SLC22A5: variants seen among roughly 807,000 people sequenced by gnomAD.
SLC22A5 encodes the protein organic cation/carnitine transporter 2.
A neutral mutation model predicts 56.7 loss-of-function variants in SLC22A5; 44 were observed. The observed-to-expected ratio is 0.78, with a 90% CI of 0.61 to 1.00. The LOEUF is 1.00. Among genes scored for constraint, SLC22A5 ranks in the 50% least tolerant of loss-of-function variants. SLC22A5 has a pLI of 0.00. For missense variants in SLC22A5, 675 were observed against 723.0 expected (o/e 0.93, Z 0.76); for synonymous variants, 278 against 292.1 (o/e 0.95, Z 0.49).
intron 2 of SLC22A5, chr5:132,379,191 A>T (rs1752258487): frequency 6.5e-6 from 1 of 153,890 alleles, no homozygotes; most frequent in African/African-American, 2.4e-5. Context: ...TTTTGGAGAG[A>T]GGTCCGTAGC....
intron 5 of SLC22A5, among the ~76,000 whole-genome samples, chr5:132,388,227 T>C (rs1561573708): frequency 6.6e-6 from 1 of 152,200 alleles, no homozygotes; most frequent in Admixed American, 6.5e-5. Flanking sequence ...ACTGGCATCT[T>C]TGAGGAAATG....
intron 1 of SLC22A5, among the ~76,000 whole-genome samples, chr5:132,371,688 C>A (rs2631361): frequency 0.38 from 57,499 of 151,878 alleles, 11,620 homozygotes; most frequent in East Asian, 0.65. Flanking sequence ...GAGGCCTCTC[C>A]GTGAGCCTAG....
chr5:132,388,029 G>A (rs768490814), intron 5 of SLC22A5, among the ~76,000 whole-genome samples: 21 of 152,240 alleles, frequency 1.4e-4, no homozygotes, highest in Admixed American at 5.9e-4. Context: ...TGTAGACAGC[G>A]GAGGCCAATG....
At chr5:132,370,475 T>A (rs938791811) in intron 1 of SLC22A5, 110 bp downstream of exon 1, 2 of 1,248,438 alleles carry the variant, frequency 1.6e-6, no homozygotes, top group Non-Finnish European at 2.3e-6. Flanking sequence ...TCACTCCCCC[T>A]CCCCCAACGG....
intron 9 of SLC22A5, 142 bp downstream of exon 9, chr5:132,393,953 C>A: frequency 9.6e-7 from 1 of 1,039,884 alleles, no homozygotes; most frequent in Non-Finnish European, 1.5e-6. Context: ...TTGTAAATGG[C>A]AAGGTGCTTA....
intron 1 of SLC22A5, among the ~76,000 whole-genome samples, chr5:132,375,871 C>A (rs765107134): frequency 7.9e-5 from 12 of 152,230 alleles, no homozygotes; most frequent in Non-Finnish European, 1.8e-4. Context: ...AAATCTTAAA[C>A]CCACACATTC....
At chr5:132,392,814 G>C (rs893786686) in intron 8 of SLC22A5, among the ~76,000 whole-genome samples, 199 bp downstream of exon 8, 1 of 152,212 alleles carries the variant, frequency 6.6e-6, no homozygotes, top group African/African-American at 2.4e-5. Context: ...ACAACCTATA[G>C]ATTACCTAGA....
intron 8 of SLC22A5, among the ~76,000 whole-genome samples, chr5:132,393,165 C>A (rs1752766930): frequency 6.6e-6 from 1 of 152,168 alleles, no homozygotes; most frequent in South Asian, 2.1e-4. Context: ...CATCCCTAGC[C>A]AGTACCTCTT....
chr5:132,374,758 CAAAA>C (rs34965096), intron 1 of SLC22A5, among the ~76,000 whole-genome samples: 25 of 138,248 alleles, frequency 1.8e-4, no homozygotes, highest in South Asian at 2.2e-4. Flanking sequence ...GTCAGGGAGC[CAAAA>C]AAAAAAAAAA....
intron 5 of SLC22A5, among the ~76,000 whole-genome samples, chr5:132,387,466 C>G (rs752658988): frequency 3.9e-5 from 6 of 152,118 alleles, no homozygotes; most frequent in Non-Finnish European, 8.8e-5. Context: ...GAGTAATAGG[C>G]CTTTCATAAA....
rs767208303 is a variant in SLC22A5 at position 132,394,201 on chromosome 5, A to T, written c.1603A>T (p.Thr535Ser). 5.0e-6 allele frequency: 8 copies of T among 1,612,960 alleles called. No homozygotes were observed. Among genetic ancestry groups the T allele is most frequent in the Middle Eastern group, 3.3e-4 (2 of 6,062 alleles). ...TTTTTATAGAATGAAACACAGAAAA[A>T]CTCCAAGTCACACAAGGATGTTAAA... ...LRVKGMKHRK[T>S]PSHTRMLKDG... Residue 535 changes from threonine (T) to serine (S), a missense_variant, in exon 10 of 10, where the codon ACT becomes TCT. Thr to Ser is a moderately conservative substitution (Grantham distance 58, BLOSUM62 1). Coordinates refer to ENST00000245407, the MANE Select transcript of SLC22A5 (RefSeq NM_003060.4).
intron 8 of SLC22A5, among the ~76,000 whole-genome samples, chr5:132,393,107 T>C (rs1752762909): frequency 1.3e-5 from 2 of 151,054 alleles, no homozygotes; most frequent in Admixed American, 6.6e-5. Context: ...AGGTCTCCAG[T>C]TTTCTCTTCT....
rs1415801193 is a variant in SLC22A5 at position 132,369,915 on chromosome 5, G to T, written c.-58G>T. 1.3e-6 allele frequency: 2 copies of T among 1,597,458 alleles called. No homozygotes were observed. The highest frequency in any genetic ancestry group is 2.1e-4 in the Middle Eastern group (1 of 4,830). The stretch of plus-strand genomic sequence containing the variant: ...GGCGGCGGGTGCCCCGCGCGCACGC[G>T]CAAAGCCCGCCGCGTTCCCCGACCC... On this transcript the variant is annotated 5_prime_UTR_variant, in exon 1 of 10. Coordinates refer to ENST00000245407, the MANE Select transcript of SLC22A5 (RefSeq NM_003060.4).
chr5:132,392,141 A>T (rs2126791049), intron 7 of SLC22A5, among the ~76,000 whole-genome samples: 1 of 152,334 alleles, frequency 6.6e-6, no homozygotes, highest in East Asian at 1.9e-4. Context: ...TCCCTGACAG[A>T]CATGTCTTTA....
At position 132,394,346 on chromosome 5, in the gene SLC22A5, G is replaced by A. The variant is rs565654675; in HGVS notation, c.*74G>A. On this transcript the variant is annotated 3_prime_UTR_variant, in exon 10 of 10. Coordinates refer to ENST00000245407, the MANE Select transcript of SLC22A5 (RefSeq NM_003060.4). ...GAAATGGCCAGCTTGTGCAGACTCC[G>A]AGTCCTTCAGTGACAAAAGGCCTTT... The A allele has an allele frequency of 8.7e-5, 93 of 1,065,446 alleles. No homozygotes were observed. Among genetic ancestry groups the A allele is most frequent in the East Asian group, 7.0e-4 (28 of 40,198 alleles). The allele number at this position is 1,065,446 out of a possible 1,614,324, so 66.0% of individuals were successfully genotyped here.
chr5:132,369,729 T>C lies in SLC22A5; in HGVS notation c.-244T>C, dbSNP rs370136886. On this transcript the variant is annotated 5_prime_UTR_variant, in exon 1 of 10. Transcript: ENST00000245407. ...AGCTCCGCCTTCGCCGGCGCCGCTC[T>C]GCCTGCCAGCGGGGCGCGCCTTGCG... The C allele has an allele frequency of 4.3e-6, 2 of 464,524 alleles. No individual in the cohort carries two copies. The highest frequency in any genetic ancestry group is 2.1e-5 in the African/African-American group (1 of 48,560). The allele number at this position is 464,524 out of a possible 1,614,324, so 28.8% of individuals were successfully genotyped here.
Position 132,385,450 on chromosome 5 carries a change from C to T in SLC22A5, c.775C>T (p.Leu259=). 6.2e-7 allele frequency: 1 copy of T among 1,614,152 alleles called. No individual in the cohort carries two copies. The highest frequency in any genetic ancestry group is 8.5e-7 in the Non-Finnish European group (1 of 1,180,008). Residue 259 remains leucine (L), a synonymous_variant, in exon 4 of 10, where the codon CTG becomes TTG. Coordinates refer to ENST00000245407, the MANE Select transcript of SLC22A5 (RefSeq NM_003060.4). The part of the protein sequence containing the change: ...FAYFIRDWRM[L]LVALTMPGVL... The stretch of plus-strand genomic sequence containing the variant: ...TTACTTCATCCGAGACTGGCGGATG[C>T]TGCTGGTGGCGCTGACGATGCCGGG...
intron 2 of SLC22A5, chr5:132,382,440 A>G (rs1752380193): frequency 7.6e-6 from 1 of 132,176 alleles, no homozygotes; most frequent in African/African-American, 2.9e-5. Flanking sequence ...CTAGTTCCTT[A>G]TGACTTTCCT....
chr5:132,393,695 G>T lies in SLC22A5; in HGVS notation c.1470G>T (p.Leu490=), dbSNP rs1265268230. The T allele has an allele frequency of 6.2e-7, 1 of 1,614,140 alleles. No individual in the cohort carries two copies. Among genetic ancestry groups the T allele is most frequent in the Admixed American group, 1.7e-5 (1 of 60,022 alleles). ...FVYLGAYDRF[L]PYILMGSLTI... is the part of the protein sequence containing the mutation. ...CCATAGGTGCCTACGACCGCTTCCT[G>T]CCCTACATTCTCATGGGAAGTCTGA... is the stretch of plus-strand genomic sequence containing the variant. Residue 490 remains leucine (L), a synonymous_variant, in exon 9 of 10, where the codon CTG becomes CTT. Transcript: ENST00000245407.
Sources: allele counts gnomAD v4.1 joint callset (sites outside exome capture counted in the v4.1 genomes callset), GRCh38; gene constraint gnomAD v4.1.1; transcripts MANE v1.5; gene names NCBI Gene and HGNC (gene_info 2026-07-23, HGNC 2026-07-21).